The following ELOVL7 variants were observed in gnomAD, a reference collection of about 807,000 sequenced individuals.
The protein encoded by ELOVL7 is very long chain fatty acid elongase 7.
In ELOVL7, 27 loss-of-function variants were observed where a neutral mutation model predicts 35.7. That is an observed-to-expected ratio of 0.76 (90% CI 0.56 to 1.04). The LOEUF is 1.04. Ranked by LOEUF, ELOVL7 falls within the 50% of genes least tolerant of loss-of-function variation. The probability of loss-of-function intolerance (pLI) is 0.00; values close to 1 mark genes in which losing one functional copy is unlikely to be tolerated. For synonymous variants in ELOVL7, 113 were observed against 114.6 expected (o/e 0.99, Z 0.09); for missense variants, 327 against 340.8 (o/e 0.96, Z 0.32).
intron 7 of ELOVL7, 117 bp downstream of exon 7, chr5:60,764,109 AC>A: frequency 1.4e-6 from 1 of 713,084 alleles, no homozygotes. Context: ...ATAAGTATAA[AC>A]AAAGTGACTC....
At position 60,764,280 on chromosome 5, in the gene ELOVL7, A is replaced by T; in HGVS notation, c.446T>A (p.Phe149Tyr). Reference protein sequence around the residue: ...KNSQVTFLHVFHHTIMPWTWW... With the variant: ...KNSQVTFLHVYHHTIMPWTWW... ...GGTCCACGGCATGATGGTATGATGG[A>T]ATACATGAAGGAAAGTCACTTGGCT... is the stretch of plus-strand genomic sequence containing the variant. The change falls in exon 7 of 9, where the codon TTC becomes TAC. Residue 149 changes from phenylalanine (F) to tyrosine (Y), a missense_variant. Transcript: ENST00000508821. The T allele has an allele frequency of 1.2e-6, 2 of 1,613,860 alleles. No individual in the cohort carries two copies. Among genetic ancestry groups the T allele is most frequent in the Non-Finnish European group, 1.7e-6 (2 of 1,179,826 alleles).
chr5:60,799,561 A>G (rs1252568287), intron 1 of ELOVL7, among the ~76,000 whole-genome samples: 2 of 152,236 alleles, frequency 1.3e-5, no homozygotes, highest in Non-Finnish European at 2.9e-5. Flanking sequence ...ATACACCGAC[A>G]TATCCCAGAA....
chr5:60,806,050 G>T (rs1182339353), intron 1 of ELOVL7, among the ~76,000 whole-genome samples: 2 of 152,084 alleles, frequency 1.3e-5, no homozygotes, highest in East Asian at 3.9e-4. Context: ...TTATAATGAG[G>T]TCATTAGGTG....
At chr5:60,769,986 G>A (rs1742479878) in intron 4 of ELOVL7, among the ~76,000 whole-genome samples, 1 of 151,766 alleles carries the variant, frequency 6.6e-6, no homozygotes, top group Non-Finnish European at 1.5e-5. Context: ...GGGAGGTCAA[G>A]GCTGCAGTGA....
chr5:60,836,299 G>A (rs1302751368), intron 1 of ELOVL7, among the ~76,000 whole-genome samples: 2 of 151,902 alleles, frequency 1.3e-5, no homozygotes, highest in Non-Finnish European at 2.9e-5. Flanking sequence ...CTCACCCTAA[G>A]CTACTGAATA....
chr5:60,826,235 T>C (rs531429877), intron 1 of ELOVL7, among the ~76,000 whole-genome samples: 1 of 152,210 alleles, frequency 6.6e-6, no homozygotes, highest in Non-Finnish European at 1.5e-5. Flanking sequence ...CTGTTTTGTA[T>C]TTATGAGTAC....
chr5:60,822,760 CAAAA>C (rs1458084046), intron 1 of ELOVL7, among the ~76,000 whole-genome samples: 1 of 151,320 alleles, frequency 6.6e-6, no homozygotes, highest in Non-Finnish European at 1.5e-5. Context: ...ACAAAGGAGA[CAAAA>C]AAAGAAAGAG....
At chr5:60,832,275 A>G (rs969770505) in intron 1 of ELOVL7, among the ~76,000 whole-genome samples, 1 of 152,218 alleles carries the variant, frequency 6.6e-6, no homozygotes, top group African/African-American at 2.4e-5. Context: ...GCAGCAACAT[A>G]TATTTGCCTG....
chr5:60,832,389 G>A (rs991333649), intron 1 of ELOVL7, among the ~76,000 whole-genome samples: 39 of 150,876 alleles, frequency 2.6e-4, no homozygotes, highest in Admixed American at 5.3e-4. Context: ...TTTTTGAGAC[G>A]GAGTCTCGCT....
chr5:60,758,150 C>T (rs1741660721), intron 7 of ELOVL7, among the ~76,000 whole-genome samples: 1 of 152,110 alleles, frequency 6.6e-6, no homozygotes, highest in African/African-American at 2.4e-5. Context: ...TAGCTTTACT[C>T]TAACTTCTTA....
At chr5:60,831,591 T>G (rs553001525) in intron 1 of ELOVL7, among the ~76,000 whole-genome samples, 25 of 152,276 alleles carry the variant, frequency 1.6e-4, no homozygotes, top group African/African-American at 6.0e-4. Context: ...TTTCAAAGAG[T>G]TTACCTTCAT....
At chr5:60,785,312 T>C (rs1007869863) in intron 3 of ELOVL7, among the ~76,000 whole-genome samples, 4 of 152,232 alleles carry the variant, frequency 2.6e-5, no homozygotes, top group Admixed American at 6.5e-5. Context: ...ATGTAGGTAT[T>C]CCTAATAAAA....
intron 1 of ELOVL7, among the ~76,000 whole-genome samples, chr5:60,833,759 A>C (rs1041357057): frequency 1.3e-5 from 2 of 152,330 alleles, no homozygotes; most frequent in South Asian, 2.1e-4. Flanking sequence ...CTTGCTTATA[A>C]CATGGGAAGA....
At chr5:60,815,903 A>G (rs1745488789) in intron 1 of ELOVL7, among the ~76,000 whole-genome samples, 3 of 152,150 alleles carry the variant, frequency 2.0e-5, no homozygotes, top group African/African-American at 7.2e-5. Flanking sequence ...AGGTCAATGG[A>G]GTGAAAAGAC....
Position 60,754,851 on chromosome 5 carries a change from GA to G in ELOVL7, c.637-19del, listed in dbSNP as rs772600717. On this transcript the variant is annotated intron_variant, in intron 8 of 8. Coordinates refer to ENST00000508821, the MANE Select transcript of ELOVL7 (RefSeq NM_024930.3). ...AACTGGACCTAAGAAATGAAAACGT[GA>G]AAAAAAATTATTCAGATATGAAGAG... The G allele has an allele frequency of 4.1e-5, 66 of 1,601,326 alleles. No homozygotes were observed. The African/African-American group carries it at 4.2e-4, about 10-fold the overall frequency.
At chr5:60,808,021 A>AAAG (rs1745041452) in intron 1 of ELOVL7, among the ~76,000 whole-genome samples, 1 of 136,720 alleles carries the variant, frequency 7.3e-6, no homozygotes, top group Non-Finnish European at 1.6e-5. Flanking sequence ...AAAAAAAAAA[A>AAAG]GAATAAAATG....
At chr5:60,791,367 G>T (rs1237178527) in intron 2 of ELOVL7, among the ~76,000 whole-genome samples, 1 of 152,130 alleles carries the variant, frequency 6.6e-6, no homozygotes, top group Non-Finnish European at 1.5e-5. Context: ...ACTTCAAAAT[G>T]GGGGAGGAGG....
chr5:60,762,560 TCTCCAAACCAC>T (rs1341822948), intron 7 of ELOVL7, among the ~76,000 whole-genome samples: 8 of 152,134 alleles, frequency 5.3e-5, no homozygotes, highest in African/African-American at 1.9e-4. Flanking sequence ...TGTTTCAATA[TCTCCAAACCAC>T]CTCTGTTTAT....
intron 3 of ELOVL7, among the ~76,000 whole-genome samples, 159 bp downstream of exon 3, chr5:60,787,175 T>C (rs915713937): frequency 1.3e-5 from 2 of 152,178 alleles, no homozygotes; most frequent in Admixed American, 6.5e-5. Context: ...TCTTTGTACA[T>C]ATCTGTAATG....
Sources: gnomAD v4.1 joint callset for allele counts (sites outside exome capture counted in the v4.1 genomes callset) on GRCh38, gnomAD v4.1.1 for gene constraint, MANE v1.5 for transcripts, NCBI Gene and HGNC (gene_info 2026-07-23, HGNC 2026-07-21) for gene names.